Variants in ZDHHC17 observed in about 807,000 individuals in gnomAD.
ZDHHC17 encodes zDHHC palmitoyltransferase 17, also known as palmitoyltransferase ZDHHC17.
Under a neutral mutation model 90.3 loss-of-function variants are expected in ZDHHC17, and 40 were observed. The ratio of observed to expected loss-of-function variants is 0.44; its 90% confidence interval spans 0.34 to 0.58. The LOEUF (loss-of-function observed/expected upper bound fraction) is 0.58. Among genes scored for constraint, ZDHHC17 ranks in the 20% least tolerant of loss-of-function variants. The pLI is 0.01. For synonymous variants in ZDHHC17, 235 were observed against 252.4 expected (o/e 0.93, Z 0.65); for missense variants, 614 against 780.8 (o/e 0.79, Z 2.55).
intron 9 of ZDHHC17, 44 bp from the exon 10 acceptor site, chr12:76,828,346 A>G (rs923030737): frequency 3.5e-6 from 5 of 1,436,130 alleles, no homozygotes; most frequent in Non-Finnish European, 4.7e-6. Context: ...TCATTTTTAC[A>G]ATGAAATATA....
chr12:76,768,116 C>G (rs1385848048), intron 1 of ZDHHC17, among the ~76,000 whole-genome samples: 9 of 152,132 alleles, frequency 5.9e-5, no homozygotes, highest in African/African-American at 2.2e-4. Context: ...GCAAATTGTA[C>G]CTTCTGAAGG....
In ZDHHC17 at chr12:76,815,221, A is replaced by G; in HGVS notation, c.608+11A>G. 1.3e-6 allele frequency: 2 copies of G among 1,533,626 alleles called. No homozygotes were observed. Among genetic ancestry groups the G allele is most frequent in the Non-Finnish European group, 1.8e-6 (2 of 1,135,802 alleles). On this transcript the variant is annotated intron_variant, in intron 6 of 16. Coordinates refer to ENST00000426126, the MANE Select transcript of ZDHHC17 (RefSeq NM_015336.4). ...ATATAGAACACATAGGTATGTAATG[A>G]CTATAAAAAACTTATTTAGGCCATT...
chr12:76,768,668 C>G (rs968217726), intron 1 of ZDHHC17, among the ~76,000 whole-genome samples: 2 of 152,168 alleles, frequency 1.3e-5, no homozygotes, highest in Non-Finnish European at 2.9e-5. Flanking sequence ...TGTTGGTCTA[C>G]TGGTCCAGCA....
intron 2 of ZDHHC17, among the ~76,000 whole-genome samples, chr12:76,804,949 A>ACAG (rs1952938439): frequency 6.6e-6 from 1 of 152,084 alleles, no homozygotes; most frequent in Non-Finnish European, 1.5e-5. Context: ...TAAATCATTT[A>ACAG]TATGCATCTT....
Position 76,846,582 on chromosome 12 carries a change from G to C in ZDHHC17, c.1424-14G>C, listed in dbSNP as rs1188913306. 3.1e-6 allele frequency: 5 copies of C among 1,607,416 alleles called. No individual in the cohort carries two copies. The African/African-American group carries it at 4.0e-5, about 13-fold the overall frequency. On this transcript the variant is annotated splice_polypyrimidine_tract_variant and intron_variant, in intron 13 of 16. Transcript: ENST00000426126. ...TTCTTAGCTGAAAAACCTTGCTTCT[G>C]TGTCGTTCTTCAGGTGCAGGCAACC...
At chr12:76,807,436 T>C (rs892430802) in intron 3 of ZDHHC17, among the ~76,000 whole-genome samples, 1 of 152,230 alleles carries the variant, frequency 6.6e-6, no homozygotes, top group African/African-American at 2.4e-5. Context: ...GGATCATTAG[T>C]ACCTGCCATA....
intron 1 of ZDHHC17, among the ~76,000 whole-genome samples, chr12:76,781,076 G>A (rs939638068): frequency 4.7e-5 from 7 of 149,566 alleles, no homozygotes; most frequent in Non-Finnish European, 5.9e-5. Context: ...GGAGCTTGCA[G>A]TGAGCCGAGA....
chr12:76,806,158 C>G (rs1952951496), intron 3 of ZDHHC17, among the ~76,000 whole-genome samples: 1 of 152,114 alleles, frequency 6.6e-6, no homozygotes, highest in African/African-American at 2.4e-5. Context: ...TGTAGTGGTA[C>G]AATCTTGGCA....
At chr12:76,825,689 A>C (rs1203572381) in intron 8 of ZDHHC17, among the ~76,000 whole-genome samples, 1 of 152,094 alleles carries the variant, frequency 6.6e-6, no homozygotes, top group Non-Finnish European at 1.5e-5. Context: ...GAAAAAAAAA[A>C]ATCCCACTTA....
chr12:76,764,633 C>T (rs952865916), intron 1 of ZDHHC17: 12 of 539,586 alleles, frequency 2.2e-5, no homozygotes, highest in Admixed American at 2.2e-4. Flanking sequence ...GCGGAGGGGC[C>T]TGGTGTGGTT....
rs547517718 is a variant in ZDHHC17, at chr12:76,805,459, T to G, written c.320+20T>G. Reference sequence around the variant, plus strand: ...AGTCAAGTATGTATTTTCTCTATTTTTAATTATTAGAACTTGACTTTTTAT... The same window carrying G: ...AGTCAAGTATGTATTTTCTCTATTTGTAATTATTAGAACTTGACTTTTTAT... On this transcript the variant is annotated intron_variant, in intron 3 of 16. Coordinates refer to ENST00000426126, the MANE Select transcript of ZDHHC17 (RefSeq NM_015336.4). 2 of 1,492,700 alleles carry G rather than the reference T, an allele frequency of 1.3e-6. No individual in the cohort carries two copies. The highest frequency in any genetic ancestry group is 2.2e-5 in the Admixed American group (1 of 45,158). The allele number at this position is 1,492,700 out of a possible 1,614,324, so 92.5% of individuals were successfully genotyped here. A position where few individuals can be genotyped will look rare whatever the true frequency, so the allele number is the denominator to read the frequency against.
chr12:76,786,040 A>G (rs1218527362), intron 1 of ZDHHC17, among the ~76,000 whole-genome samples: 1 of 152,190 alleles, frequency 6.6e-6, no homozygotes, highest in Non-Finnish European at 1.5e-5. Context: ...GAAAAGAAGC[A>G]TTGCGACTTG....
In ZDHHC17 at chr12:76,821,133, G is replaced by A. The variant is rs914843068; in HGVS notation, c.772-1273G>A. 5.5e-6 allele frequency: 7 copies of A among 1,284,172 alleles called. No homozygotes were observed. The Admixed American group carries it at 7.0e-5, about 13-fold the overall frequency. 79.5% of individuals were successfully genotyped at this position (1,284,172 alleles called of 1,614,324 possible). On this transcript the variant is annotated intron_variant, in intron 7 of 16. Transcript: ENST00000426126. ...ACCGAGGCAACTGCAGGATATTCCCGGGGAGTTGTTACCCAAGGGATTGCT... is the reference window on the plus strand; with the variant it reads ...ACCGAGGCAACTGCAGGATATTCCCAGGGAGTTGTTACCCAAGGGATTGCT...
At chr12:76,780,628 A>C (rs1410392064) in intron 1 of ZDHHC17, among the ~76,000 whole-genome samples, 1 of 152,220 alleles carries the variant, frequency 6.6e-6, no homozygotes, top group Non-Finnish European at 1.5e-5. Flanking sequence ...AGTCAACTGC[A>C]GCCTAACATG....
intron 1 of ZDHHC17, 66 bp downstream of exon 1, chr12:76,764,395 C>A: frequency 6.8e-7 from 1 of 1,467,228 alleles, no homozygotes; most frequent in Non-Finnish European, 9.2e-7. Flanking sequence ...CCGGACTCGC[C>A]GAGGGCGGCG....
intron 10 of ZDHHC17, among the ~76,000 whole-genome samples, chr12:76,836,474 A>G (rs1193704774): frequency 6.6e-6 from 1 of 151,662 alleles, no homozygotes; most frequent in Non-Finnish European, 1.5e-5. Context: ...TTTCTAATCT[A>G]TTTTATTGGA....
chr12:76,810,854 G>A (rs1263565567), intron 5 of ZDHHC17, among the ~76,000 whole-genome samples: 4 of 152,164 alleles, frequency 2.6e-5, no homozygotes, highest in Non-Finnish European at 5.9e-5. Context: ...CAGTTGTCTG[G>A]CGGCTTGACT....
At chr12:76,823,126 T>A (rs528987990) in intron 8 of ZDHHC17, among the ~76,000 whole-genome samples, 1 of 152,206 alleles carries the variant, frequency 6.6e-6, no homozygotes. Flanking sequence ...TTTTGGTTCA[T>A]TGATTCAACT....
chr12:76,817,566 C>T (rs939453480), intron 7 of ZDHHC17, among the ~76,000 whole-genome samples: 3 of 152,176 alleles, frequency 2.0e-5, no homozygotes, highest in Non-Finnish European at 2.9e-5. Flanking sequence ...GAGTTTGAAA[C>T]TAGTAGTGTG....
Sources: gnomAD v4.1 joint callset for allele counts (sites outside exome capture counted in the v4.1 genomes callset) on GRCh38, gnomAD v4.1.1 for gene constraint, MANE v1.5 for transcripts, NCBI Gene and HGNC (gene_info 2026-07-23, HGNC 2026-07-21) for gene names.